Variants in TBC1D22B observed in about 807,000 individuals in gnomAD.
TBC1D22B encodes the protein TBC1 domain family member 22B.
TBC1D22B carries 32 observed loss-of-function variants against 69.1 expected under a neutral mutation model. The observed-to-expected ratio is 0.46, with a 90% CI of 0.35 to 0.62. TBC1D22B has a LOEUF of 0.62. TBC1D22B is among the 20% of genes least tolerant of loss of function. TBC1D22B has a pLI of 0.00. For missense variants in TBC1D22B, 462 were observed against 630.9 expected (o/e 0.73, Z 2.87); for synonymous variants, 206 against 229.8 (o/e 0.90, Z 0.94).
chr6:37,279,188 A>C, intron 2 of TBC1D22B, 116 bp from the exon 3 acceptor site: 1 of 1,042,976 alleles, frequency 9.6e-7, no homozygotes, highest in Non-Finnish European at 1.4e-6. Flanking sequence ...TTGTTTGAAG[A>C]AGCTAATGAT....
chr6:37,281,110 T>C (rs1766812843), intron 3 of TBC1D22B, among the ~76,000 whole-genome samples: 2 of 152,252 alleles, frequency 1.3e-5, no homozygotes, highest in Admixed American at 6.5e-5. Flanking sequence ...GAAACAGTCA[T>C]GTAAGCACAG....
rs866104990 is a variant in TBC1D22B at position 37,267,417 on chromosome 6, T to C, written c.57-2177T>C. On this transcript the variant is annotated intron_variant, in intron 1 of 12. Coordinates refer to ENST00000373491, the MANE Select transcript of TBC1D22B (RefSeq NM_017772.4). Reference sequence around the variant, plus strand: ...TATACACACATATATAATATATATATACACATATAATATATATACACACAT... The same window carrying C: ...TATACACACATATATAATATATATACACACATATAATATATATACACACAT... Among the ~76,000 whole-genome samples the C allele has an allele frequency of 8.7e-4, 120 of 137,786 alleles. 1 individual carries two copies. Among genetic ancestry groups the C allele is most frequent in the African/African-American group, 2.1e-3 (70 of 33,714 alleles). 90.4% of individuals were successfully genotyped at this position (137,786 alleles called of 152,430 possible). A position where few individuals can be genotyped will look rare whatever the true frequency, so the allele number is the denominator to read the frequency against.
At chr6:37,327,219 C>T (rs1768436813) in intron 12 of TBC1D22B, among the ~76,000 whole-genome samples, 1 of 94,954 alleles carries the variant, frequency 1.1e-5, no homozygotes, top group African/African-American at 5.8e-5. Flanking sequence ...TGGCTCGCGC[C>T]TGTAATCCCA....
intron 6 of TBC1D22B, among the ~76,000 whole-genome samples, chr6:37,284,801 A>C (rs1321355361): frequency 6.6e-6 from 1 of 152,194 alleles, no homozygotes; most frequent in African/African-American, 2.4e-5. Flanking sequence ...TGAAGTTCTG[A>C]TGTGCTCCCT....
chr6:37,262,383 A>G (rs1264503472), intron 1 of TBC1D22B, among the ~76,000 whole-genome samples: 4 of 151,318 alleles, frequency 2.6e-5, no homozygotes, highest in East Asian at 1.9e-4. Context: ...AGGTCTTGCC[A>G]TGTTGCCCAG....
intron 8 of TBC1D22B, among the ~76,000 whole-genome samples, chr6:37,293,655 T>C (rs1423025775): frequency 6.6e-6 from 1 of 152,230 alleles, no homozygotes; most frequent in East Asian, 1.9e-4. Flanking sequence ...AAGAGTTACA[T>C]GTCTCTCACT....
At chr6:37,324,232 C>G (rs1562069405) in intron 12 of TBC1D22B, 1 of 451,014 alleles carries the variant, frequency 2.2e-6, no homozygotes, top group Non-Finnish European at 4.5e-6. Flanking sequence ...TGTTGCTCAT[C>G]ATTATACATC....
At chr6:37,258,388 G>C (rs1765916549) in intron 1 of TBC1D22B, among the ~76,000 whole-genome samples, 1 of 152,158 alleles carries the variant, frequency 6.6e-6, no homozygotes, top group Admixed American at 6.5e-5. Context: ...CCCTTCCCTT[G>C]ATCCCTGAGG....
chr6:37,319,066 G>A (rs1175950872), intron 12 of TBC1D22B, among the ~76,000 whole-genome samples: 1 of 152,166 alleles, frequency 6.6e-6, no homozygotes, highest in Non-Finnish European at 1.5e-5. Flanking sequence ...GGTGTTAGGG[G>A]GCAAAAGAAC....
chr6:37,258,993 T>TA (rs1488333344), intron 1 of TBC1D22B, among the ~76,000 whole-genome samples: 1 of 150,192 alleles, frequency 6.7e-6, no homozygotes, highest in Non-Finnish European at 1.5e-5. Flanking sequence ...TGAGGGTCAG[T>TA]AGTGGCTAGG....
intron 6 of TBC1D22B, among the ~76,000 whole-genome samples, chr6:37,285,315 C>CTTTTTTTTTTTTTTT (rs756459599): frequency 1.4e-5 from 1 of 73,562 alleles, no homozygotes; most frequent in Non-Finnish European, 2.3e-5. Flanking sequence ...TCCTTCCCCA[C>CTTTTTTTTTTTTTTT]TTTTTTTTTT....
Position 37,284,408 on chromosome 6 carries a change from A to G in TBC1D22B, c.745A>G (p.Ile249Val), listed in dbSNP as rs1766940908. 1.9e-6 allele frequency: 3 copies of G among 1,613,114 alleles called. No homozygotes were observed. Among genetic ancestry groups the G allele is most frequent in the Non-Finnish European group, 2.5e-6 (3 of 1,179,518 alleles). ...GAAGCGGGAGGAATATTTTGGCTTC[A>G]TTGAACAGTATTATGACTCTCGAAA... ...QRKREEYFGF[I>V]EQYYDSRNEE... The change falls in exon 6 of 13, where the codon ATT becomes GTT. Residue 249 changes from isoleucine to valine, a missense_variant. Around this residue, in one of 2 missense-constraint regions of TBC1D22B, gnomAD observed 225 missense variants for 375.4 expected, o/e 0.60. Transcript: ENST00000373491.
chr6:37,307,724 A>T (rs1767773156), intron 8 of TBC1D22B, among the ~76,000 whole-genome samples: 1 of 152,170 alleles, frequency 6.6e-6, no homozygotes, highest in South Asian at 2.1e-4. Flanking sequence ...AAGGACCCGA[A>T]TCAGGTAAAC....
Position 37,257,955 on chromosome 6 carries a change from G to T in TBC1D22B, c.38G>T (p.Ser13Ile). 1 of 1,614,178 alleles carries T rather than the reference G, an allele frequency of 6.2e-7. No homozygotes were observed. The highest frequency in any genetic ancestry group is 8.5e-7 in the Non-Finnish European group (1 of 1,180,030). Residue 13 changes from serine (S) to isoleucine (I), a missense_variant, in exon 1 of 13, where the codon AGC (serine) becomes ATC (isoleucine). Physicochemically the swap from Ser to Ile is moderately radical, Grantham distance 142. Transcript: ENST00000373491. ...AENSKQFWKR[S>I]AKLPGSIQPV... ...AACAGCAAGCAGTTTTGGAAGAGGA[G>T]CGCTAAGCTGCCGGGGAGGTGAGCC...
intron 12 of TBC1D22B, among the ~76,000 whole-genome samples, chr6:37,322,930 A>G (rs1479526372): frequency 6.6e-6 from 1 of 152,226 alleles, no homozygotes; most frequent in Non-Finnish European, 1.5e-5. Flanking sequence ...GATGAGCAGC[A>G]GGCAGAAACT....
chr6:37,260,929 G>A (rs985551734), intron 1 of TBC1D22B, among the ~76,000 whole-genome samples: 3 of 152,048 alleles, frequency 2.0e-5, no homozygotes, highest in African/African-American at 7.2e-5. Context: ...GCTATTGTAC[G>A]TAATGCTTTT....
intron 7 of TBC1D22B, among the ~76,000 whole-genome samples, chr6:37,288,542 G>T (rs1438750926): frequency 6.6e-6 from 1 of 152,132 alleles, no homozygotes; most frequent in African/African-American, 2.4e-5. Context: ...TTTGAGACCA[G>T]TCTGGGTAAC....
chr6:37,302,539 G>A (rs1202040373), intron 8 of TBC1D22B, among the ~76,000 whole-genome samples: 4 of 152,146 alleles, frequency 2.6e-5, no homozygotes, highest in Non-Finnish European at 5.9e-5. Flanking sequence ...GACTTATGAT[G>A]TTTCCTATTT....
chr6:37,258,461 G>A (rs968387746), intron 1 of TBC1D22B, among the ~76,000 whole-genome samples: 2 of 152,164 alleles, frequency 1.3e-5, no homozygotes, highest in Non-Finnish European at 2.9e-5. Flanking sequence ...GGTTAGGCAG[G>A]AAAAGTGAGG....
Sources: gnomAD v4.1 joint callset for allele counts (sites outside exome capture counted in the v4.1 genomes callset) on GRCh38, gnomAD v4.1.1 for gene constraint, gnomAD v4.1.1 regional missense constraint, MANE v1.5 for transcripts, NCBI Gene and HGNC (gene_info 2026-07-23, HGNC 2026-07-21) for gene names.